Variants in NKAIN2 observed in about 807,000 individuals in gnomAD.
NKAIN2 encodes sodium/potassium-transporting ATPase subunit beta-1-interacting protein 2.
In NKAIN2, 14 loss-of-function variants were observed where a neutral mutation model predicts 32.6. That is an observed-to-expected ratio of 0.43 (90% CI 0.28 to 0.67). The LOEUF (loss-of-function observed/expected upper bound fraction) is 0.67, where lower values mean the gene tolerates loss of function less well. Among genes scored for constraint, NKAIN2 ranks in the 30% least tolerant of loss-of-function variants. The pLI is 0.17. For missense variants in NKAIN2, 198 were observed against 258.3 expected (o/e 0.77, Z 1.60); for synonymous variants, 80 against 87.2 (o/e 0.92, Z 0.46).
At chr6:124,500,617 G>A (rs1225354976) in intron 3 of NKAIN2, among the ~76,000 whole-genome samples, 1 of 151,896 alleles carries the variant, frequency 6.6e-6, no homozygotes, top group Non-Finnish European at 1.5e-5. Flanking sequence ...TCACGCCACT[G>A]CACTCCAGCC....
chr6:124,660,235 T>C (rs763984964), intron 4 of NKAIN2, among the ~76,000 whole-genome samples: 21 of 152,216 alleles, frequency 1.4e-4, no homozygotes, highest in Non-Finnish European at 2.8e-4. Flanking sequence ...TTTCCACCTA[T>C]GTTTTAAGGA....
At chr6:124,566,533 T>G (rs1235877312) in intron 3 of NKAIN2, among the ~76,000 whole-genome samples, 3 of 152,130 alleles carry the variant, frequency 2.0e-5, no homozygotes, top group Non-Finnish European at 4.4e-5. Flanking sequence ...GACACACTGT[T>G]TCCTCAGCTA....
intron 1 of NKAIN2, among the ~76,000 whole-genome samples, chr6:124,022,034 T>G (rs960642082): frequency 6.8e-6 from 1 of 147,990 alleles, no homozygotes; most frequent in Admixed American, 6.8e-5. Context: ...CCTAATGCTA[T>G]CCCTCCCCCC....
At chr6:124,714,918 A>C (rs1373937089) in intron 4 of NKAIN2, among the ~76,000 whole-genome samples, 1 of 152,200 alleles carries the variant, frequency 6.6e-6, no homozygotes, top group Non-Finnish European at 1.5e-5. Context: ...GGAGAGCCAC[A>C]GCCCAGTGAT....
intron 1 of NKAIN2, among the ~76,000 whole-genome samples, chr6:124,034,537 T>C (rs1291103778): frequency 1.3e-5 from 2 of 152,146 alleles, no homozygotes; most frequent in Non-Finnish European, 1.5e-5. Context: ...GCACATAGGT[T>C]GATTCCATGT....
chr6:123,890,882 C>G (rs748561176), intron 1 of NKAIN2, among the ~76,000 whole-genome samples: 5 of 151,986 alleles, frequency 3.3e-5, no homozygotes, highest in Non-Finnish European at 4.4e-5. Context: ...ACCTATATAC[C>G]AATGTTCATA....
rs1773070968 is a variant in NKAIN2 at position 124,389,880 on chromosome 6, C to T, written c.273+34533C>T. Among the ~76,000 whole-genome samples the T allele has an allele frequency of 2.0e-5, 3 of 152,156 alleles. No homozygotes were observed. The South Asian group carries it at 6.2e-4, about 32-fold the overall frequency. On this transcript the variant is annotated intron_variant, in intron 3 of 6. Coordinates refer to ENST00000368417, the MANE Select transcript of NKAIN2 (RefSeq NM_001040214.3). ...TTTCCATTCCCTATCCGTGGCCTCA[C>T]TTTTGACCCCAGAGTAGAAAACTCT...
At chr6:124,581,872 AC>A (rs1291687159) in intron 3 of NKAIN2, among the ~76,000 whole-genome samples, 2 of 152,206 alleles carry the variant, frequency 1.3e-5, no homozygotes, top group Admixed American at 1.3e-4. Context: ...TGAAAGCAGT[AC>A]TAAGAGGAAA....
At chr6:124,436,407 A>G (rs955252152) in intron 3 of NKAIN2, among the ~76,000 whole-genome samples, 9 of 152,196 alleles carry the variant, frequency 5.9e-5, no homozygotes, top group Non-Finnish European at 1.0e-4. Flanking sequence ...TATCATTACA[A>G]TATCATAAAA....
At chr6:124,084,359 T>C (rs888042337) in intron 1 of NKAIN2, among the ~76,000 whole-genome samples, 1 of 151,954 alleles carries the variant, frequency 6.6e-6, no homozygotes, top group Non-Finnish European at 1.5e-5. Flanking sequence ...GGCTTGCCAT[T>C]GTGTGACAAT....
At chr6:123,972,600 T>G (rs1199182727) in intron 1 of NKAIN2, among the ~76,000 whole-genome samples, 1 of 152,140 alleles carries the variant, frequency 6.6e-6, no homozygotes, top group African/African-American at 2.4e-5. Flanking sequence ...TGTAAAAAGC[T>G]CTATAAAAGA....
At chr6:124,376,517 T>A (rs907195975) in intron 3 of NKAIN2, among the ~76,000 whole-genome samples, 4 of 152,156 alleles carry the variant, frequency 2.6e-5, no homozygotes, top group African/African-American at 4.8e-5. Flanking sequence ...ATTGAGTGTA[T>A]GCAATATGTA....
intron 1 of NKAIN2, among the ~76,000 whole-genome samples, chr6:124,011,759 A>G (rs1780340723): frequency 6.6e-6 from 1 of 152,196 alleles, no homozygotes; most frequent in African/African-American, 2.4e-5. Flanking sequence ...TTAGGCCTAC[A>G]TCAAATTTTA....
At chr6:124,561,087 C>CT (rs67385263) in intron 3 of NKAIN2, among the ~76,000 whole-genome samples, 87,404 of 151,766 alleles carry the variant, frequency 0.58, 25,555 homozygotes, top group East Asian at 0.67. Context: ...GAGTCACTGT[C>CT]TTGTTTCAGG....
intron 3 of NKAIN2, among the ~76,000 whole-genome samples, chr6:124,515,801 C>T: frequency 1.3e-3 from 4 of 3,118 alleles, no homozygotes; most frequent in African/African-American, 4.7e-3. Context: ...CGCCATTCTC[C>T]TGCCTCAGCC....
intron 1 of NKAIN2, among the ~76,000 whole-genome samples, chr6:124,053,613 T>G (rs987732803): frequency 6.6e-6 from 1 of 152,052 alleles, no homozygotes; most frequent in African/African-American, 2.4e-5. Context: ...ATCCTTTCTG[T>G]GTTTCTAATG....
chr6:124,107,388 A>G (rs1334234802), intron 1 of NKAIN2, among the ~76,000 whole-genome samples: 1 of 152,210 alleles, frequency 6.6e-6, no homozygotes, highest in Non-Finnish European at 1.5e-5. Context: ...GATGGAAGTA[A>G]GGAGAGCTAC....
intron 3 of NKAIN2, among the ~76,000 whole-genome samples, chr6:124,417,183 C>T (rs957028834): frequency 3.3e-5 from 5 of 152,098 alleles, no homozygotes; most frequent in Non-Finnish European, 5.9e-5. Flanking sequence ...TTAAAATATC[C>T]ATGACAAAGT....
At chr6:124,472,245 T>C (rs1428644640) in intron 3 of NKAIN2, among the ~76,000 whole-genome samples, 1 of 152,146 alleles carries the variant, frequency 6.6e-6, no homozygotes, top group Non-Finnish European at 1.5e-5. Context: ...TGGAAAAATA[T>C]CTAAGTGGTT....
Sources: gnomAD v4.1 joint callset for allele counts (sites outside exome capture counted in the v4.1 genomes callset) on GRCh38, gnomAD v4.1.1 for gene constraint, MANE v1.5 for transcripts, NCBI Gene and HGNC (gene_info 2026-07-23, HGNC 2026-07-21) for gene names.